The following XKR6 variants were observed in gnomAD, a reference collection of about 807,000 sequenced individuals.
The protein encoded by XKR6 is XK-related protein 6.
Under a neutral mutation model 56.7 loss-of-function variants are expected in XKR6, and 22 were observed. The observed-to-expected ratio is 0.39, with a 90% CI of 0.28 to 0.55. XKR6 has a LOEUF of 0.55. XKR6 is among the 20% of genes least tolerant of loss of function. The pLI is 0.66. For missense variants in XKR6, 852 were observed against 889.0 expected (o/e 0.96, Z 0.53); for synonymous variants, 524 against 387.8 (o/e 1.35, Z -4.13).
At chr8:11,146,621 G>GT (rs1470789105) in intron 1 of XKR6, among the ~76,000 whole-genome samples, 45 of 131,230 alleles carry the variant, frequency 3.4e-4, no homozygotes, top group Admixed American at 1.5e-3. Flanking sequence ...GTGAGACCCT[G>GT]TCAAAAAAAA....
At chr8:10,966,980 G>A (rs1048589276) in intron 1 of XKR6, among the ~76,000 whole-genome samples, 1 of 152,140 alleles carries the variant, frequency 6.6e-6, no homozygotes, top group Non-Finnish European at 1.5e-5. Flanking sequence ...TGGGTCTAGA[G>A]CCTCACTACT....
chr8:11,109,795 G>A (rs1798818754), intron 1 of XKR6: 2 of 152,110 alleles, frequency 1.3e-5, no homozygotes, highest in Non-Finnish European at 2.9e-5. Context: ...CAAATGCCTG[G>A]GCCCAGTCAA....
chr8:11,166,081 G>A (rs147795955), intron 1 of XKR6, among the ~76,000 whole-genome samples: 8,380 of 151,356 alleles, frequency 0.055, 309 homozygotes, highest in South Asian at 0.096. Flanking sequence ...TCAGCCTCCC[G>A]AGTAGCTGGG....
chr8:11,085,835 G>A lies in XKR6; in HGVS notation c.764+114741C>T, dbSNP rs187192666. Among the ~76,000 whole-genome samples the A allele has an allele frequency of 1.4e-3, 206 of 152,286 alleles. 1 individual carries two copies. In the East Asian group the frequency reaches 0.028, roughly 21 times the overall value. ...CTCGAAGCCACTGCCGCCGGAGCAA[G>A]GGCCTGCAGATGCCCTACCTTGCGT... On this transcript the variant is annotated intron_variant, in intron 1 of 2. Transcript: ENST00000416569.
intron 1 of XKR6, among the ~76,000 whole-genome samples, chr8:10,965,707 G>A (rs1347860471): frequency 6.6e-6 from 1 of 152,220 alleles, no homozygotes; most frequent in Non-Finnish European, 1.5e-5. Context: ...GGTGTTACCG[G>A]GGCAACAGAC....
intron 1 of XKR6, among the ~76,000 whole-genome samples, chr8:10,958,205 C>T (rs149924072): frequency 9.8e-5 from 15 of 152,312 alleles, no homozygotes; most frequent in South Asian, 6.2e-4. Flanking sequence ...CCATGAGATG[C>T]AAGTTCCCGT....
At chr8:11,025,759 G>A (rs180950575) in intron 1 of XKR6, among the ~76,000 whole-genome samples, 2 of 152,294 alleles carry the variant, frequency 1.3e-5, no homozygotes. Context: ...AGCTGGATGA[G>A]TAATTAGTGA....
intron 1 of XKR6, among the ~76,000 whole-genome samples, chr8:11,127,239 G>C (rs575325985): frequency 6.6e-6 from 1 of 152,248 alleles, no homozygotes; most frequent in South Asian, 2.1e-4. Context: ...TGTTCTACAA[G>C]CTCTGGAGTC....
chr8:11,115,299 G>C (rs1000751910), intron 1 of XKR6, among the ~76,000 whole-genome samples: 10 of 152,128 alleles, frequency 6.6e-5, no homozygotes, highest in African/African-American at 2.4e-4. Context: ...GGTGGTTTTG[G>C]TCCCAAACAT....
At chr8:10,980,536 C>A (rs1001935480) in intron 1 of XKR6, among the ~76,000 whole-genome samples, 1 of 152,184 alleles carries the variant, frequency 6.6e-6, no homozygotes, top group Non-Finnish European at 1.5e-5. Context: ...ACATTCCTAG[C>A]ATGTTGTATG....
At chr8:10,979,147 G>A (rs1193388814) in intron 1 of XKR6, among the ~76,000 whole-genome samples, 1 of 151,788 alleles carries the variant, frequency 6.6e-6, no homozygotes, top group Non-Finnish European at 1.5e-5. Flanking sequence ...CTGTCCCTAG[G>A]AGGTTCTGGG....
At chr8:11,091,982 C>A (rs761990131) in intron 1 of XKR6, among the ~76,000 whole-genome samples, 1 of 152,162 alleles carries the variant, frequency 6.6e-6, no homozygotes, top group Non-Finnish European at 1.5e-5. Flanking sequence ...AAAAACCCTG[C>A]GGTTCAGAAT....
chr8:11,175,984 T>C (rs1802635711), intron 1 of XKR6, among the ~76,000 whole-genome samples: 1 of 152,216 alleles, frequency 6.6e-6, no homozygotes, highest in Non-Finnish European at 1.5e-5. Flanking sequence ...GACAAATTAA[T>C]ATTAATTTCT....
At chr8:11,070,338 C>T (rs1467122216) in intron 1 of XKR6, among the ~76,000 whole-genome samples, 5 of 152,114 alleles carry the variant, frequency 3.3e-5, no homozygotes, top group Non-Finnish European at 4.4e-5. Flanking sequence ...CAGTACACTT[C>T]ACTGAAAAAA....
intron 1 of XKR6, among the ~76,000 whole-genome samples, chr8:10,993,532 C>T (rs764596887): frequency 5.9e-5 from 9 of 152,242 alleles, no homozygotes; most frequent in Non-Finnish European, 1.0e-4. Flanking sequence ...AGGGTGGACA[C>T]GCTGCAGTGC....
chr8:11,193,032 G>A (rs1585040914), intron 1 of XKR6, among the ~76,000 whole-genome samples: 2 of 152,310 alleles, frequency 1.3e-5, no homozygotes, highest in Admixed American at 1.3e-4. Flanking sequence ...ATGGTGATAT[G>A]AATGTTTTAG....
rs527991278 is a variant in XKR6, at chr8:11,198,130, G to A, written c.764+2446C>T. 3.3e-5 allele frequency among the ~76,000 whole-genome samples: 5 copies of A among 151,366 alleles called. 1 individual carries two copies. In the South Asian group the frequency reaches 1.1e-3, roughly 33 times the overall value. On this transcript the variant is annotated intron_variant, in intron 1 of 2. Coordinates refer to ENST00000416569, the MANE Select transcript of XKR6 (RefSeq NM_173683.4). ...AAAGATCTTCAATAAAAACAGAGATGATGTATGTTCAAACACATTGACAAG... is the reference window on the plus strand; with the variant it reads ...AAAGATCTTCAATAAAAACAGAGATAATGTATGTTCAAACACATTGACAAG...
rs199883610 is a variant in XKR6 at position 11,050,373 on chromosome 8, A to AAT, written c.765-125544_765-125543insAT. 3.3e-5 allele frequency among the ~76,000 whole-genome samples: 4 copies of AAT among 121,116 alleles called. No homozygotes were observed. The East Asian group carries it at 1.9e-3, about 58-fold the overall frequency. 79.5% of individuals were successfully genotyped at this position (121,116 alleles called of 152,430 possible). On this transcript the variant is annotated intron_variant, in intron 1 of 2. Coordinates refer to ENST00000416569, the MANE Select transcript of XKR6 (RefSeq NM_173683.4). The stretch of plus-strand genomic sequence containing the variant: ...CTCCAAGCCCCACGATCTCCTCATC[A>AAT]GTGTAAAATAAGGGGATGGGCCTGG...
chr8:11,025,075 C>T lies in XKR6; in HGVS notation c.765-100245G>A, dbSNP rs145182809. 1.2e-3 allele frequency among the ~76,000 whole-genome samples: 176 copies of T among 152,310 alleles called. 1 individual carries two copies. In the East Asian group the frequency reaches 0.032, roughly 28 times the overall value. On this transcript the variant is annotated intron_variant, in intron 1 of 2. Coordinates refer to ENST00000416569, the MANE Select transcript of XKR6 (RefSeq NM_173683.4). The stretch of plus-strand genomic sequence containing the variant: ...GGGAACAAGGGATCCCCCCATCTTT[C>T]TACGAGGCCTTGGAGCCGACTGGAG...
Sources: allele counts gnomAD v4.1 joint callset (sites outside exome capture counted in the v4.1 genomes callset), GRCh38; gene constraint gnomAD v4.1.1; transcripts MANE v1.5; gene names NCBI Gene and HGNC (gene_info 2026-07-23, HGNC 2026-07-21).